Variants in PCDH15 observed in about 807,000 individuals in gnomAD.
PCDH15 encodes protocadherin-15.
A neutral mutation model predicts 178.5 loss-of-function variants in PCDH15; 129 were observed. The ratio of observed to expected loss-of-function variants is 0.72; its 90% confidence interval spans 0.63 to 0.84. The LOEUF is 0.84. Among genes scored for constraint, PCDH15 ranks in the 40% least tolerant of loss-of-function variants. PCDH15 has a pLI of 0.00. For missense variants in PCDH15, 2,230 were observed against 2,099.9 expected (o/e 1.06, Z -1.21); for synonymous variants, 800 against 732.0 (o/e 1.09, Z -1.50).
At chr10:54,458,066 T>G (rs1473137865) in intron 3 of PCDH15, among the ~76,000 whole-genome samples, 1 of 152,198 alleles carries the variant, frequency 6.6e-6, no homozygotes. Flanking sequence ...GTATTTCTTA[T>G]GTATGTTTTA....
chr10:55,230,358 G>T (rs185946973), intron 1 of PCDH15, among the ~76,000 whole-genome samples: 47 of 152,076 alleles, frequency 3.1e-4, no homozygotes, highest in Admixed American at 3.0e-3. Flanking sequence ...TCAGCACTCA[G>T]GCTGGTGTAA....
intron 14 of PCDH15, among the ~76,000 whole-genome samples, chr10:54,136,725 T>C (rs12261219): frequency 0.015 from 2,348 of 152,288 alleles, 75 homozygotes; most frequent in African/African-American, 0.054. Context: ...TTTAAAATGC[T>C]GAAACAAAGA....
At chr10:53,817,499 G>GTT (rs149200300) in intron 34 of PCDH15, among the ~76,000 whole-genome samples, 5 of 131,004 alleles carry the variant, frequency 3.8e-5, no homozygotes, top group African/African-American at 1.1e-4. Flanking sequence ...TATATTCTTT[G>GTT]TTTTTTTTTT....
intron 2 of PCDH15, among the ~76,000 whole-genome samples, chr10:55,546,879 G>A (rs1841893081): frequency 6.6e-6 from 1 of 152,110 alleles, no homozygotes; most frequent in Non-Finnish European, 1.5e-5. Context: ...AGGGAAAGAT[G>A]AAGGGGAAAG....
intron 1 of PCDH15, among the ~76,000 whole-genome samples, chr10:54,675,548 A>T (rs1313182922): frequency 1.4e-5 from 2 of 142,376 alleles, no homozygotes; most frequent in Non-Finnish European, 1.5e-5. Flanking sequence ...ATTTTTAGCT[A>T]GTTATTTCTG....
intron 3 of PCDH15, among the ~76,000 whole-genome samples, chr10:54,392,282 T>C (rs1205708758): frequency 0.014 from 2 of 144 alleles, no homozygotes; most frequent in South Asian, 0.17. Context: ...CTGGTCAACA[T>C]GGCGAAACCC....
intron 2 of PCDH15, among the ~76,000 whole-genome samples, chr10:55,021,631 G>T (rs1840331185): frequency 6.6e-6 from 1 of 152,094 alleles, no homozygotes; most frequent in East Asian, 1.9e-4. Context: ...TTAAAGTATA[G>T]ATATTCTTCT....
intron 2 of PCDH15, among the ~76,000 whole-genome samples, chr10:55,505,333 A>C (rs535237317): frequency 2.6e-5 from 4 of 151,422 alleles, no homozygotes; most frequent in South Asian, 2.1e-4. Flanking sequence ...CATTTAACTG[A>C]AATTAGAGTT....
At chr10:54,723,525 A>T (rs1941992494) in intron 1 of PCDH15, among the ~76,000 whole-genome samples, 1 of 151,792 alleles carries the variant, frequency 6.6e-6, no homozygotes, top group Admixed American at 6.6e-5. Context: ...AGTAAATGCA[A>T]CAAAAACAAA....
intron 1 of PCDH15, among the ~76,000 whole-genome samples, chr10:55,254,911 G>T (rs541970743): frequency 1.8e-4 from 27 of 151,890 alleles, no homozygotes; most frequent in African/African-American, 6.5e-4. Flanking sequence ...TCATGTCATA[G>T]GAATTGTTTA....
At chr10:55,130,473 T>C (rs1405771303) in intron 2 of PCDH15, among the ~76,000 whole-genome samples, 1 of 152,176 alleles carries the variant, frequency 6.6e-6, no homozygotes, top group Non-Finnish European at 1.5e-5. Flanking sequence ...TATCACTTAG[T>C]AGTTTAGAAC....
chr10:54,710,967 T>C (rs1032047018), intron 1 of PCDH15, among the ~76,000 whole-genome samples: 3 of 151,990 alleles, frequency 2.0e-5, no homozygotes, highest in Admixed American at 2.0e-4. Context: ...CCGGATTGCT[T>C]TGGGAAAACC....
chr10:54,777,749 G>A (rs538317883), intron 1 of PCDH15, among the ~76,000 whole-genome samples: 16 of 151,686 alleles, frequency 1.1e-4, no homozygotes, highest in Admixed American at 2.0e-4. Context: ...GTACTTATTT[G>A]AAGAATAATT....
chr10:55,495,509 T>C (rs776874465), intron 2 of PCDH15, among the ~76,000 whole-genome samples: 1 of 151,710 alleles, frequency 6.6e-6, no homozygotes, highest in Non-Finnish European at 1.5e-5. Context: ...GAGCAAAGAT[T>C]AATGAATAGG....
chr10:55,512,475 A>G (rs555965354), intron 2 of PCDH15, among the ~76,000 whole-genome samples: 1 of 152,084 alleles, frequency 6.6e-6, no homozygotes, highest in African/African-American at 2.4e-5. Flanking sequence ...TGGTACCCTG[A>G]GGGCTTCAAC....
At chr10:54,296,144 C>CAAAAAAAAAAAAAAAAAAAAAAAA (rs59721161) in intron 8 of PCDH15, among the ~76,000 whole-genome samples, 5 of 48,222 alleles carry the variant, frequency 1.0e-4, no homozygotes, top group African/African-American at 2.4e-4. Context: ...GACTCCGTCT[C>CAAAAAAAAAAAAAAAAAAAAAAAA]AAAAAAAAAA....
intron 18 of PCDH15, among the ~76,000 whole-genome samples, chr10:54,065,770 C>T (rs1382768799): frequency 6.6e-6 from 1 of 152,142 alleles, no homozygotes; most frequent in African/African-American, 2.4e-5. Flanking sequence ...TTTAAAAAAG[C>T]TTCAACTGGT....
intron 3 of PCDH15, among the ~76,000 whole-genome samples, chr10:54,393,114 T>C (rs774084518): frequency 1.3e-4 from 20 of 152,152 alleles, no homozygotes; most frequent in Non-Finnish European, 2.5e-4. Flanking sequence ...TTAATCTCTA[T>C]GCTTAAAAAA....
At chr10:53,822,331 A>C in intron 32 of PCDH15, 2 of 1,595,970 alleles carry the variant, frequency 1.3e-6, no homozygotes, top group Non-Finnish European at 1.7e-6. Context: ...GTTGAAACGG[A>C]AAGTGGAAAA....
Sources: gnomAD v4.1 joint callset for allele counts (sites outside exome capture counted in the v4.1 genomes callset) on GRCh38, gnomAD v4.1.1 for gene constraint, MANE v1.5 for transcripts, NCBI Gene and HGNC (gene_info 2026-07-23, HGNC 2026-07-21) for gene names.